Variants in MPPED1 observed in about 807,000 individuals in gnomAD.
MPPED1 encodes metallophosphoesterase domain-containing protein 1.
In MPPED1, 16 loss-of-function variants were observed where a neutral mutation model predicts 36.2. That is an observed-to-expected ratio of 0.44 (90% CI 0.30 to 0.67). The LOEUF (loss-of-function observed/expected upper bound fraction) is 0.67. Ranked by LOEUF, MPPED1 falls within the 30% of genes least tolerant of loss-of-function variation. The pLI, the probability that MPPED1 is intolerant of heterozygous loss-of-function variation, is 0.10. For missense variants in MPPED1, 307 were observed against 453.4 expected (o/e 0.68, Z 2.93); for synonymous variants, 199 against 191.3 (o/e 1.04, Z -0.33).
At chr22:43,415,833 C>G (rs894551584) in intron 1 of MPPED1, among the ~76,000 whole-genome samples, 1 of 152,220 alleles carries the variant, frequency 6.6e-6, no homozygotes, top group African/African-American at 2.4e-5. Context: ...CTTTCGCATT[C>G]CCGTCTCCTC....
At chr22:43,418,960 C>T (rs1929169854) in intron 1 of MPPED1, 1 of 152,196 alleles carries the variant, frequency 6.6e-6, no homozygotes, top group African/African-American at 2.4e-5. Context: ...CTTGAAATTT[C>T]CCTGGGGAGC....
At chr22:43,494,267 AG>A (rs1318486672) in intron 4 of MPPED1, among the ~76,000 whole-genome samples, 1 of 152,152 alleles carries the variant, frequency 6.6e-6, no homozygotes, top group African/African-American at 2.4e-5. Flanking sequence ...CTTGCATTCG[AG>A]GGCTCAAACA....
chr22:43,479,927 G>A (rs1343600754), intron 4 of MPPED1, among the ~76,000 whole-genome samples: 1 of 152,182 alleles, frequency 6.6e-6, no homozygotes, highest in Non-Finnish European at 1.5e-5. Context: ...CAGTGGTACA[G>A]TCACAGCTCA....
chr22:43,490,139 G>A (rs1932038089), intron 4 of MPPED1, among the ~76,000 whole-genome samples: 1 of 152,228 alleles, frequency 6.6e-6, no homozygotes, highest in South Asian at 2.1e-4. Flanking sequence ...AAACAAGGCA[G>A]GCTCTGGGCC....
At chr22:43,477,252 G>T (rs1448286049) in intron 4 of MPPED1, among the ~76,000 whole-genome samples, 2 of 152,244 alleles carry the variant, frequency 1.3e-5, no homozygotes, top group African/African-American at 2.4e-5. Context: ...TAACACAAGG[G>T]CTGAACGCCC....
At chr22:43,448,300 G>T (rs1930434760) in intron 3 of MPPED1, among the ~76,000 whole-genome samples, 1 of 152,226 alleles carries the variant, frequency 6.6e-6, no homozygotes, top group African/African-American at 2.4e-5. Context: ...GAGCCCCCAT[G>T]TGGGTATGGA....
At chr22:43,495,498 T>A (rs1932258281) in intron 4 of MPPED1, among the ~76,000 whole-genome samples, 1 of 66,600 alleles carries the variant, frequency 1.5e-5, no homozygotes, top group South Asian at 5.0e-4. Flanking sequence ...GAGGTAGTGG[T>A]GGTGGAGGTG....
In MPPED1 at chr22:43,498,248, T is replaced by C; in HGVS notation, c.646T>C (p.Tyr216His). Residue 216 changes from tyrosine (Y) to histidine (H), a missense_variant, in exon 5 of 7, where the codon TAC becomes CAC. Physicochemically the swap from Tyr to His is moderately conservative, Grantham distance 83. This residue lies in a region of MPPED1 where 132 missense variants were observed against 212.3 expected (regional missense o/e 0.62). Coordinates refer to ENST00000443721, the MANE Select transcript of MPPED1 (RefSeq NM_001044370.2). ...IYGSPWQPWFYGWGFNLPRGQ... is the reference protein window; with the variant it reads ...IYGSPWQPWFHGWGFNLPRGQ... ...CTTCTTCTACAGGCAGCCCTGGTTCTACGGCTGGGGCTTCAACCTCCCGCG... is the reference window on the plus strand; with the variant it reads ...CTTCTTCTACAGGCAGCCCTGGTTCCACGGCTGGGGCTTCAACCTCCCGCG... 6.5e-7 allele frequency: 1 copy of C among 1,535,164 alleles called. No homozygotes were observed. Among genetic ancestry groups the C allele is most frequent in the Non-Finnish European group, 8.7e-7 (1 of 1,146,406 alleles).
At chr22:43,432,514 AAAGGGAG>A (rs1929747978) in intron 2 of MPPED1, among the ~76,000 whole-genome samples, 1 of 120,950 alleles carries the variant, frequency 8.3e-6, no homozygotes, top group Non-Finnish European at 1.7e-5. Flanking sequence ...AGGGAAAGAG[AAAGGGAG>A]GAGAGAGATA....
chr22:43,421,673 G>A (rs947848890), intron 1 of MPPED1, among the ~76,000 whole-genome samples: 1 of 152,224 alleles, frequency 6.6e-6, no homozygotes, highest in African/African-American at 2.4e-5. Context: ...AAAGTCTCCA[G>A]ACATTCTGTA....
intron 4 of MPPED1, among the ~76,000 whole-genome samples, chr22:43,480,069 G>A (rs1931701057): frequency 6.6e-6 from 1 of 152,144 alleles, no homozygotes; most frequent in Admixed American, 6.5e-5. Context: ...TCATGTTGTT[G>A]CCCAGACTGA....
chr22:43,446,653 A>G (rs1930357815), intron 3 of MPPED1, among the ~76,000 whole-genome samples: 1 of 152,176 alleles, frequency 6.6e-6, no homozygotes, highest in African/African-American at 2.4e-5. Context: ...GGGGGGCTTC[A>G]TGCAGGAGGT....
intron 1 of MPPED1, among the ~76,000 whole-genome samples, chr22:43,413,243 G>C (rs963789033): frequency 2.6e-5 from 4 of 152,206 alleles, no homozygotes; most frequent in Non-Finnish European, 5.9e-5. Flanking sequence ...GAACAAAAGT[G>C]GGCTGGCTGT....
intron 2 of MPPED1, among the ~76,000 whole-genome samples, chr22:43,428,460 G>A (rs781457768): frequency 2.6e-5 from 4 of 152,242 alleles, no homozygotes; most frequent in East Asian, 1.9e-4. Flanking sequence ...TCCACACCCC[G>A]AGCTCGGAAG....
intron 3 of MPPED1, among the ~76,000 whole-genome samples, chr22:43,451,808 C>G (rs1930578454): frequency 6.6e-6 from 1 of 152,192 alleles, no homozygotes; most frequent in Admixed American, 6.5e-5. Context: ...ACCCCATGGT[C>G]CCTACTAGGC....
chr22:43,498,154 G>A (rs1932492229), intron 4 of MPPED1, 81 bp from the exon 5 acceptor site: 1 of 1,128,936 alleles, frequency 8.9e-7, no homozygotes, highest in Admixed American at 2.2e-5. Context: ...GGGCCCCCTG[G>A]CCCGTGGGGA....
intron 4 of MPPED1, among the ~76,000 whole-genome samples, chr22:43,483,331 C>T (rs141060049): frequency 1.0e-3 from 159 of 152,376 alleles, no homozygotes; most frequent in African/African-American, 3.8e-3. Flanking sequence ...CCCCACTCCC[C>T]CAGCTGTCAC....
intron 3 of MPPED1, among the ~76,000 whole-genome samples, chr22:43,465,517 C>G (rs7289011): frequency 0.012 from 1,898 of 152,246 alleles, 47 homozygotes; most frequent in African/African-American, 0.043. Flanking sequence ...GGCGGTAGAG[C>G]GCTGAACAAG....
intron 4 of MPPED1, among the ~76,000 whole-genome samples, chr22:43,485,367 C>T (rs1337587010): frequency 6.6e-6 from 1 of 152,094 alleles, no homozygotes; most frequent in Non-Finnish European, 1.5e-5. Flanking sequence ...CATTCATACA[C>T]ATATGAATTC....
Sources: allele counts gnomAD v4.1 joint callset (sites outside exome capture counted in the v4.1 genomes callset), GRCh38; gene constraint gnomAD v4.1.1; regional missense constraint gnomAD v4.1.1; transcripts MANE v1.5; gene names NCBI Gene and HGNC (gene_info 2026-07-23, HGNC 2026-07-21).